RIMBP2: variants seen among roughly 807,000 people sequenced by gnomAD.
RIMBP2 encodes the protein RIMS binding protein 2.
In RIMBP2, 48 loss-of-function variants were observed where a neutral mutation model predicts 118.6. That is an observed-to-expected ratio of 0.40 (90% CI 0.32 to 0.51). RIMBP2 has a LOEUF of 0.51. Among genes scored for constraint, RIMBP2 ranks in the 20% least tolerant of loss-of-function variants. The pLI is 0.41. For missense variants in RIMBP2, 1,551 were observed against 1,768.3 expected (o/e 0.88, Z 2.20); for synonymous variants, 762 against 742.9 (o/e 1.03, Z -0.42).
At chr12:130,663,808 C>T (rs4759746) in intron 1 of RIMBP2, among the ~76,000 whole-genome samples, 81,063 of 151,394 alleles carry the variant, frequency 0.54, 22,913 homozygotes, top group Non-Finnish European at 0.62. Flanking sequence ...CTCAAGACAA[C>T]ATAAAAATGG....
At chr12:130,640,221 G>A (rs1315233952) in intron 1 of RIMBP2, among the ~76,000 whole-genome samples, 4 of 152,148 alleles carry the variant, frequency 2.6e-5, no homozygotes, top group Admixed American at 1.3e-4. Flanking sequence ...GACACTCCCC[G>A]GGGACAATGT....
At chr12:130,417,952 G>A (rs61935860) in intron 17 of RIMBP2, among the ~76,000 whole-genome samples, 17,252 of 152,046 alleles carry the variant, frequency 0.11, 1,225 homozygotes, top group Non-Finnish European at 0.16. Context: ...TGAGAAACAC[G>A]CCAGCTGGCA....
chr12:130,438,335 A>ACCCCCCCCCCCCCCCC lies in RIMBP2; in HGVS notation c.1656+29_1656+30insGGGGGGGGGGGGGGGG, dbSNP rs146625626. 1.0e-4 allele frequency: 89 copies of ACCCCCCCCCCCCCCCC among 865,834 alleles called. 1 individual carries two copies. The highest frequency in any genetic ancestry group is 1.2e-4 in the Non-Finnish European group (64 of 523,330). The allele number at this position is 865,834 out of a possible 1,614,324, so 53.6% of individuals were successfully genotyped here. A position where few individuals can be genotyped will look rare whatever the true frequency, so the allele number is the denominator to read the frequency against. ...TCCCTGCTGCGTTAGGGCCTAACAAACCCTCCCCACCCACCCAACGAAAAC... is the reference window on the plus strand; with the variant it reads ...TCCCTGCTGCGTTAGGGCCTAACAAACCCCCCCCCCCCCCCCCCCTCCCCACCCACCCAACGAAAAC... On this transcript the variant is annotated intron_variant, in intron 12 of 22. Transcript: ENST00000690449.
chr12:130,712,741 T>G (rs2091471), intron 1 of RIMBP2, among the ~76,000 whole-genome samples: 1 of 151,954 alleles, frequency 6.6e-6, no homozygotes, highest in African/African-American at 2.4e-5. Flanking sequence ...CATGCATGAC[T>G]GTATGTGCTG....
intron 11 of RIMBP2, among the ~76,000 whole-genome samples, chr12:130,439,337 A>G (rs1386467768): frequency 1.4e-5 from 2 of 146,154 alleles, no homozygotes; most frequent in Non-Finnish European, 3.0e-5. Flanking sequence ...AAGTGTATGT[A>G]TGTGTGTAGA....
Position 130,695,000 on chromosome 12 carries a change from C to T in RIMBP2, c.-352+21222G>A, listed in dbSNP as rs531696905. Among the ~76,000 whole-genome samples, 41 of 152,330 alleles carry T rather than the reference C, an allele frequency of 2.7e-4. No individual in the cohort carries two copies. In the South Asian group the frequency reaches 8.5e-3, roughly 32 times the overall value. ...GCGAGATCCCACAACAGATCAGTTT[C>T]CCGTCAGTGTCGCTCCCATTATGAA... On this transcript the variant is annotated intron_variant, in intron 1 of 22. Transcript: ENST00000690449.
intron 8 of RIMBP2, 102 bp downstream of exon 8, chr12:130,451,092 AG>A: frequency 7.7e-7 from 1 of 1,294,168 alleles, no homozygotes. Context: ...GAAGGAAGAC[AG>A]GGAGGAAGAT....
At chr12:130,401,892 G>A (rs911873711) in intron 21 of RIMBP2, among the ~76,000 whole-genome samples, 4 of 152,040 alleles carry the variant, frequency 2.6e-5, no homozygotes, top group African/African-American at 9.7e-5. Context: ...CACACACAAT[G>A]TTATGCACAC....
chr12:130,475,123 C>T lies in RIMBP2; in HGVS notation c.102+3789G>A, dbSNP rs2081323401. The stretch of plus-strand genomic sequence containing the variant: ...CCAGAGACGAGGGCTGCAGCATGAG[C>T]TCATTGTCCCTGGATTCCGGGAGGA... On this transcript the variant is annotated intron_variant, in intron 5 of 22. Transcript: ENST00000690449. The surrounding 1 kb of genome is among the most constrained non-coding windows in gnomAD (Gnocchi z 4.1). 6.6e-6 allele frequency among the ~76,000 whole-genome samples: 1 copy of T among 152,244 alleles called. No individual in the cohort carries two copies. Among genetic ancestry groups the T allele is most frequent in the African/African-American group, 2.4e-5 (1 of 41,466 alleles).
In RIMBP2 at chr12:130,620,838, T is replaced by G. The variant is rs776469900; in HGVS notation, c.-217+7484A>C. Among the ~76,000 whole-genome samples, 82 of 152,134 alleles carry G rather than the reference T, an allele frequency of 5.4e-4. No individual in the cohort carries two copies. The highest frequency in any genetic ancestry group is 1.0e-3 in the Non-Finnish European group (68 of 68,020). ...TGAGGGGGCTGGGCCTCCAACATTCTTTTTGTAGGGAACACCCCTCACCCT... is the reference window on the plus strand; with the variant it reads ...TGAGGGGGCTGGGCCTCCAACATTCGTTTTGTAGGGAACACCCCTCACCCT... On this transcript the variant is annotated intron_variant, in intron 2 of 22. Transcript: ENST00000690449. This position sits in a 1 kb window ranked among gnomAD's most constrained non-coding sequence, Gnocchi z 5.3.
At chr12:130,457,915 A>T (rs1032744046) in intron 6 of RIMBP2, among the ~76,000 whole-genome samples, 4 of 132,788 alleles carry the variant, frequency 3.0e-5, no homozygotes, top group African/African-American at 1.0e-4. Context: ...ATGGCCGGGA[A>T]CATCCCATTT....
At chr12:130,529,816 T>C (rs1189439478) in intron 2 of RIMBP2, among the ~76,000 whole-genome samples, 1 of 152,104 alleles carries the variant, frequency 6.6e-6, no homozygotes, top group Non-Finnish European at 1.5e-5. Flanking sequence ...CATTAGGTTC[T>C]CATAAGGAGT....
chr12:130,409,357 T>TG (rs2075487593), intron 19 of RIMBP2, among the ~76,000 whole-genome samples: 2 of 140,262 alleles, frequency 1.4e-5, no homozygotes, highest in Non-Finnish European at 3.0e-5. Flanking sequence ...TTTTTTTTTT[T>TG]TTTGAGATGG....
rs751344889 is a variant in RIMBP2 at position 130,478,907 on chromosome 12, C to T, written c.102+5G>A. ...GCACGCCGCGCCCGGCTGCCCGCCG[C>T]TTACCTTCTGCAGAAGGTCAATTTC... On this transcript the variant is annotated splice_donor_5th_base_variant and intron_variant, in intron 5 of 22. Transcript: ENST00000690449. The T allele has an allele frequency of 2.5e-6, 4 of 1,608,708 alleles. No homozygotes were observed. In the East Asian group the frequency reaches 6.7e-5, roughly 27 times the overall value.
At chr12:130,497,538 C>T (rs943828702) in intron 4 of RIMBP2, among the ~76,000 whole-genome samples, 1 of 152,164 alleles carries the variant, frequency 6.6e-6, no homozygotes, top group African/African-American at 2.4e-5. Context: ...TGGAGAGATG[C>T]GTTCTGGCCG....
chr12:130,602,378 C>A (rs7974555), intron 2 of RIMBP2, among the ~76,000 whole-genome samples: 2,853 of 152,344 alleles, frequency 0.019, 100 homozygotes, highest in African/African-American at 0.066. Flanking sequence ...ATAGGTGGGG[C>A]TGGCTGTGCT....
intron 6 of RIMBP2, among the ~76,000 whole-genome samples, chr12:130,466,899 G>A (rs1447377631): frequency 6.6e-6 from 1 of 152,194 alleles, no homozygotes; most frequent in Non-Finnish European, 1.5e-5. Flanking sequence ...AGGCACAAAT[G>A]ACAATTCCTC....
chr12:130,527,302 T>C (rs113759829), intron 2 of RIMBP2, among the ~76,000 whole-genome samples: 1 of 152,258 alleles, frequency 6.6e-6, no homozygotes, highest in Non-Finnish European at 1.5e-5. Flanking sequence ...AAACAATTGC[T>C]TCTGGTTTCC....
chr12:130,701,549 C>T (rs564489502), intron 1 of RIMBP2, among the ~76,000 whole-genome samples: 2 of 152,156 alleles, frequency 1.3e-5, no homozygotes, highest in Admixed American at 6.5e-5. Context: ...GTCAGGCCCG[C>T]GTCTGAACAT....
Sources: allele counts gnomAD v4.1 joint callset (sites outside exome capture counted in the v4.1 genomes callset), GRCh38; gene constraint gnomAD v4.1.1; non-coding constraint Gnocchi (gnomAD v3.1); transcripts MANE v1.5; gene names NCBI Gene and HGNC (gene_info 2026-07-23, HGNC 2026-07-21).